EIF4G3: variants seen among roughly 807,000 people sequenced by gnomAD.
The protein encoded by EIF4G3 is eukaryotic translation initiation factor 4 gamma 3, also known as eIF-4-gamma 3.
In EIF4G3, 34 loss-of-function variants were observed where a neutral mutation model predicts 186.4. The ratio of observed to expected loss-of-function variants is 0.18; its 90% CI spans 0.14 to 0.24. EIF4G3 has a LOEUF of 0.24. EIF4G3 is among the 10% of genes least tolerant of loss of function. EIF4G3 has a pLI of 1.00. For synonymous variants in EIF4G3, 673 were observed against 679.5 expected, an observed-to-expected ratio of 0.99 and a Z score of 0.15; for missense variants, 1,536 against 1,948.5, an observed-to-expected ratio of 0.79 and a Z score of 3.99.
chr1:21,032,527 TATTTG>T (rs1238205695), intron 4 of EIF4G3, among the ~76,000 whole-genome samples: 1 of 152,106 alleles, frequency 6.6e-6, no homozygotes, highest in Non-Finnish European at 1.5e-5. Context: ...ATTATTGTTT[TATTTG>T]ATTTAGTTAG....
intron 2 of EIF4G3, among the ~76,000 whole-genome samples, chr1:21,100,049 C>T (rs2096481538): frequency 6.6e-6 from 1 of 152,138 alleles, no homozygotes; most frequent in Admixed American, 6.6e-5. Context: ...AGTGGTGATA[C>T]ATGTACATTA....
chr1:21,089,024 G>T, intron 3 of EIF4G3, 114 bp downstream of exon 3: 1 of 632,176 alleles, frequency 1.6e-6, no homozygotes, highest in South Asian at 1.9e-5. Context: ...GAATTTTATT[G>T]AACTTTTTGC....
chr1:21,100,801 G>C (rs1044635714), intron 2 of EIF4G3, among the ~76,000 whole-genome samples: 1 of 152,146 alleles, frequency 6.6e-6, no homozygotes, highest in Non-Finnish European at 1.5e-5. Context: ...CAGTAAAACA[G>C]GCACCACACA....
intron 10 of EIF4G3, among the ~76,000 whole-genome samples, chr1:20,978,062 A>G (rs1473295304): frequency 6.6e-6 from 1 of 152,228 alleles, no homozygotes; most frequent in African/African-American, 2.4e-5. Flanking sequence ...TGTCTATTTC[A>G]GCATGTTCAT....
chr1:20,808,245 AC>A (rs2058496421), intron 36 of EIF4G3, among the ~76,000 whole-genome samples: 2 of 151,694 alleles, frequency 1.3e-5, no homozygotes, highest in Non-Finnish European at 2.9e-5. Flanking sequence ...CTCAATCTAA[AC>A]CCTATAAAAT....
At chr1:21,108,788 A>G (rs891119092) in intron 2 of EIF4G3, among the ~76,000 whole-genome samples, 2 of 151,506 alleles carry the variant, frequency 1.3e-5, no homozygotes, top group Non-Finnish European at 2.9e-5. Context: ...CTGTAATCCC[A>G]GCTACTCAGG....
chr1:21,063,655 G>A (rs913712409), intron 3 of EIF4G3, among the ~76,000 whole-genome samples: 5 of 128,480 alleles, frequency 3.9e-5, no homozygotes. Context: ...GGTGGTGTGA[G>A]TCTTTTGTTA....
intron 2 of EIF4G3, among the ~76,000 whole-genome samples, chr1:21,113,710 T>C: frequency 6.6e-6 from 1 of 152,134 alleles, no homozygotes. Flanking sequence ...CATTTCATTG[T>C]ACAGTATCAA....
At chr1:20,906,290 T>C (rs955589857) in intron 14 of EIF4G3, among the ~76,000 whole-genome samples, 2 of 151,012 alleles carry the variant, frequency 1.3e-5, no homozygotes, top group African/African-American at 4.9e-5. Flanking sequence ...GTTGTCTCTT[T>C]GCATTTTTTG....
At chr1:21,088,735 C>T (rs1233125301) in intron 3 of EIF4G3, among the ~76,000 whole-genome samples, 3 of 151,878 alleles carry the variant, frequency 2.0e-5, no homozygotes, top group Admixed American at 6.6e-5. Context: ...TGTGGTGGCA[C>T]GTGCCTGTAG....
At chr1:20,888,815 T>G (rs2085045610) in intron 18 of EIF4G3, among the ~76,000 whole-genome samples, 1 of 152,192 alleles carries the variant, frequency 6.6e-6, no homozygotes, top group African/African-American at 2.4e-5. Flanking sequence ...TCCCTTTTTG[T>G]GTGTGAAAAT....
intron 2 of EIF4G3, among the ~76,000 whole-genome samples, chr1:21,109,980 G>A (rs1020870444): frequency 3.3e-5 from 5 of 152,032 alleles, no homozygotes; most frequent in African/African-American, 9.7e-5. Flanking sequence ...AGATGGAAAC[G>A]TTTCGCTATG....
At chr1:21,167,425 T>G (rs2097874816) in intron 2 of EIF4G3, among the ~76,000 whole-genome samples, 1 of 152,054 alleles carries the variant, frequency 6.6e-6, no homozygotes, top group Non-Finnish European at 1.5e-5. Context: ...TCCCAGCACT[T>G]TGGGAAGCTG....
At chr1:20,876,361 T>C (rs574753537) in intron 20 of EIF4G3, among the ~76,000 whole-genome samples, 4 of 149,572 alleles carry the variant, frequency 2.7e-5, no homozygotes, top group Admixed American at 6.7e-5. Flanking sequence ...ATGCATATTA[T>C]GAAATATTAT....
intron 20 of EIF4G3, among the ~76,000 whole-genome samples, chr1:20,874,922 C>T (rs2080313222): frequency 6.6e-6 from 1 of 152,126 alleles, no homozygotes; most frequent in African/African-American, 2.4e-5. Context: ...TTATTTCAGT[C>T]TCTCAATCCC....
chr1:20,947,056 T>G (rs1407283145), intron 13 of EIF4G3, among the ~76,000 whole-genome samples: 2 of 152,170 alleles, frequency 1.3e-5, no homozygotes, highest in Non-Finnish European at 2.9e-5. Context: ...AAGGAAATTT[T>G]TAAAAACTCC....
At chr1:20,819,919 CAG>C (rs1557774194) in intron 33 of EIF4G3, among the ~76,000 whole-genome samples, 1 of 151,806 alleles carries the variant, frequency 6.6e-6, no homozygotes, top group South Asian at 2.1e-4. Flanking sequence ...GGAGAGGAGA[CAG>C]AGAGACTGGA....
chr1:21,079,471 C>T (rs894794742), intron 3 of EIF4G3, among the ~76,000 whole-genome samples: 4 of 144,510 alleles, frequency 2.8e-5, no homozygotes, highest in African/African-American at 1.0e-4. Context: ...AGTTCAAGAC[C>T]AGCCTGGGCA....
intron 4 of EIF4G3, among the ~76,000 whole-genome samples, chr1:21,044,619 C>T (rs2093769804): frequency 6.8e-6 from 1 of 147,654 alleles, no homozygotes; most frequent in Non-Finnish European, 1.5e-5. Context: ...AAGGAAAAAT[C>T]ACTATTAAAC....
Sources: allele counts gnomAD v4.1 joint callset (sites outside exome capture counted in the v4.1 genomes callset), GRCh38; gene constraint gnomAD v4.1.1; transcripts MANE v1.5; gene names NCBI Gene and HGNC (gene_info 2026-07-23, HGNC 2026-07-21).